The following ABCB11 variants were observed in gnomAD, a reference collection of about 807,000 sequenced individuals.
ABCB11 encodes the protein ATP binding cassette subfamily B member 11.
Under a neutral mutation model 148.0 loss-of-function variants are expected in ABCB11, and 95 were observed. That is an observed-to-expected ratio of 0.64 (90% CI 0.54 to 0.76). The LOEUF is 0.76. Ranked by LOEUF, ABCB11 falls within the 30% of genes least tolerant of loss-of-function variation. The pLI is 0.00. For synonymous variants in ABCB11, 591 were observed against 555.4 expected (o/e 1.06, Z -0.90); for missense variants, 1,523 against 1,617.8 (o/e 0.94, Z 1.01).
At position 168,922,072 on chromosome 2, in the gene ABCB11, A is replaced by G. The variant is rs530808764; in HGVS notation, c.*1550T>C. The stretch of plus-strand genomic sequence containing the variant: ...CACCATGTTAGCCAGGATGGTCTCA[A>G]TCTCTCGACCTCATGATCCGCCCGC... On this transcript the variant is annotated 3_prime_UTR_variant, in exon 28 of 28. Coordinates refer to ENST00000650372, the MANE Select transcript of ABCB11 (RefSeq NM_003742.4). Among the ~76,000 whole-genome samples, 49 of 151,920 alleles carry G rather than the reference A, an allele frequency of 3.2e-4. No individual in the cohort carries two copies. Among genetic ancestry groups the G allele is most frequent in the African/African-American group, 1.1e-3 (47 of 41,436 alleles).
intron 4 of ABCB11, 67 bp downstream of exon 4, chr2:169,014,236 C>CCGCG: frequency 1.8e-6 from 2 of 1,087,924 alleles, no homozygotes; most frequent in Non-Finnish European, 2.8e-6. Context: ...AGATTTAACA[C>CCGCG]TCCCCTCATG....
intron 3 of ABCB11, among the ~76,000 whole-genome samples, chr2:169,014,850 T>C (rs895814756): frequency 2.6e-5 from 4 of 152,150 alleles, no homozygotes; most frequent in African/African-American, 9.7e-5. Context: ...ATATTTCCCA[T>C]TCATTTCATT....
intron 21 of ABCB11, among the ~76,000 whole-genome samples, chr2:168,942,222 C>CGTATTA (rs1553549240): frequency 2.7e-5 from 4 of 150,740 alleles, no homozygotes; most frequent in African/African-American, 4.9e-5. Flanking sequence ...GATAGTGGGA[C>CGTATTA]ATATAACTAT....
At chr2:169,014,768 C>T (rs1203242033) in intron 3 of ABCB11, among the ~76,000 whole-genome samples, 1 of 152,176 alleles carries the variant, frequency 6.6e-6, no homozygotes, top group Non-Finnish European at 1.5e-5. Context: ...ATTACAACTA[C>T]ATTAAATAAT....
intron 19 of ABCB11, among the ~76,000 whole-genome samples, chr2:168,955,478 A>G (rs1354983038): frequency 6.6e-6 from 1 of 151,618 alleles, no homozygotes; most frequent in Non-Finnish European, 1.5e-5. Context: ...CACTTTTATC[A>G]GATTTTGTGA....
At chr2:168,926,302 A>G (rs1691305535) in intron 26 of ABCB11, among the ~76,000 whole-genome samples, 1 of 152,146 alleles carries the variant, frequency 6.6e-6, no homozygotes, top group Non-Finnish European at 1.5e-5. Flanking sequence ...TAACTTACCC[A>G]CCACCCACGG....
At chr2:168,970,432 G>T in intron 14 of ABCB11, 1 of 1,290,328 alleles carries the variant, frequency 7.7e-7, no homozygotes, top group Non-Finnish European at 1.1e-6. Flanking sequence ...TTATTCCAGG[G>T]TTTACTGGGC....
Position 169,028,992 on chromosome 2 carries a change from TC to T in ABCB11, c.-28+2232del, listed in dbSNP as rs566540513. Among the ~76,000 whole-genome samples, 242 of 152,242 alleles carry T rather than the reference TC, an allele frequency of 1.6e-3. 1 individual carries two copies. Among genetic ancestry groups the T allele is most frequent in the African/African-American group, 5.7e-3 (235 of 41,538 alleles). ...CAAGATGGTAAGAAGAATCTAAATGTCCTCAAAGCCATTGAGGAGCTGAGGA... is the reference window on the plus strand; with the variant it reads ...CAAGATGGTAAGAAGAATCTAAATGTCTCAAAGCCATTGAGGAGCTGAGGA... On this transcript the variant is annotated intron_variant, in intron 1 of 27. Transcript: ENST00000650372.
At chr2:168,930,609 AG>A in intron 25 of ABCB11, 55 bp downstream of exon 25, 1 of 1,357,036 alleles carries the variant, frequency 7.4e-7, no homozygotes, top group African/African-American at 1.5e-5. Flanking sequence ...GCCCACTTTT[AG>A]GGGTTGGAAA....
chr2:168,981,298 C>T (rs575036329), intron 10 of ABCB11, among the ~76,000 whole-genome samples: 4 of 152,160 alleles, frequency 2.6e-5, no homozygotes, highest in Non-Finnish European at 5.9e-5. Flanking sequence ...GTGGGTTAGT[C>T]CACTCACGCT....
downstream of ABCB11, among the ~76,000 whole-genome samples, chr2:168,917,614 A>G (rs143953931): frequency 3.6e-3 from 551 of 152,350 alleles, 2 homozygotes; most frequent in South Asian, 0.011. Context: ...TCTGACATCA[A>G]AATGATTTGT....
At chr2:168,998,913 G>A (rs1694795127) in intron 5 of ABCB11, among the ~76,000 whole-genome samples, 1 of 151,978 alleles carries the variant, frequency 6.6e-6, no homozygotes, top group Admixed American at 6.6e-5. Context: ...TAATATTTCT[G>A]GAACAACAGA....
chr2:168,924,854 T>A, intron 26 of ABCB11, 51 bp from the exon 27 acceptor site: 4 of 1,538,392 alleles, frequency 2.6e-6, no homozygotes, highest in Non-Finnish European at 3.6e-6. Context: ...ATTGCTCCTG[T>A]GCTGTACTGA....
At chr2:168,952,173 A>G (rs1692596435) in intron 19 of ABCB11, among the ~76,000 whole-genome samples, 1 of 151,650 alleles carries the variant, frequency 6.6e-6, no homozygotes, top group Non-Finnish European at 1.5e-5. Flanking sequence ...CATCAGAGAT[A>G]TTGGTCTGTA....
chr2:168,924,510 A>G, intron 27 of ABCB11, 147 bp downstream of exon 27: 1 of 653,074 alleles, frequency 1.5e-6, no homozygotes, highest in Non-Finnish European at 2.5e-6. Context: ...CTTGCTCTAG[A>G]TAATTGTCTT....
At chr2:168,986,452 T>C (rs1447255001) in intron 9 of ABCB11, among the ~76,000 whole-genome samples, 168 bp from the exon 10 acceptor site, 1 of 152,106 alleles carries the variant, frequency 6.6e-6, no homozygotes, top group Non-Finnish European at 1.5e-5. Flanking sequence ...TTTTTTAAAG[T>C]TTGTTTTAAC....
At chr2:169,013,901 G>C (rs1428996383) in intron 4 of ABCB11, among the ~76,000 whole-genome samples, 5 of 152,178 alleles carry the variant, frequency 3.3e-5, no homozygotes, top group African/African-American at 9.6e-5. Context: ...TTGTTGAACT[G>C]ATAGTGACTA....
Position 168,986,250 on chromosome 2 carries a change from C to T in ABCB11, c.943G>A (p.Gly315Arg). 6.2e-7 allele frequency: 1 copy of T among 1,613,050 alleles called. No individual in the cohort carries two copies. Among genetic ancestry groups the T allele is most frequent in the Non-Finnish European group, 8.5e-7 (1 of 1,179,552 alleles). ...CCCATCACTATTCCTTTTCTAATTC[C>T]CCAACGCTGGGCGAACACAAGATTT... ...EKNLVFAQRW[G>R]IRKGIVMGFF... The change falls in exon 10 of 28, where the codon GGA (glycine) becomes AGA (arginine). Residue 315 changes from glycine to arginine, a missense_variant. Transcript: ENST00000650372.
rs180880622 is a variant in ABCB11 at position 168,939,716 on chromosome 2, C to T, written c.2611-3283G>A. Among the ~76,000 whole-genome samples the T allele has an allele frequency of 4.2e-3, 639 of 151,834 alleles. 7 individuals are homozygous for T. Among genetic ancestry groups the T allele is most frequent in the Admixed American group, 0.014 (213 of 15,238 alleles). ...AGAAAAGACAAAATGATCTTTTTTGCATTTTTTGCTTAGCAGATATTGTGA... is the reference window on the plus strand; with the variant it reads ...AGAAAAGACAAAATGATCTTTTTTGTATTTTTTGCTTAGCAGATATTGTGA... On this transcript the variant is annotated intron_variant, in intron 21 of 27. Transcript: ENST00000650372.
Sources: gnomAD v4.1 joint callset for allele counts (sites outside exome capture counted in the v4.1 genomes callset) on GRCh38, gnomAD v4.1.1 for gene constraint, MANE v1.5 for transcripts, NCBI Gene and HGNC (gene_info 2026-07-23, HGNC 2026-07-21) for gene names.